Variants in SLC38A1 observed in about 807,000 individuals in gnomAD.
The protein encoded by SLC38A1 is solute carrier family 38 member 1.
SLC38A1 carries 18 observed loss-of-function variants against 60.3 expected under a neutral mutation model. The ratio of observed to expected loss-of-function variants is 0.30; its 90% CI spans 0.21 to 0.44. The LOEUF is 0.44. Among genes scored for constraint, SLC38A1 ranks in the 20% least tolerant of loss-of-function variants. SLC38A1 has a pLI of 1.00. For synonymous variants in SLC38A1, 196 were observed against 212.1 expected (o/e 0.92, Z 0.66); for missense variants, 448 against 587.2 (o/e 0.76, Z 2.45).
intron 1 of SLC38A1, among the ~76,000 whole-genome samples, chr12:46,263,980 C>A (rs751545852): frequency 1.3e-5 from 2 of 152,174 alleles, no homozygotes; most frequent in African/African-American, 4.8e-5. Flanking sequence ...AAATCTAAAC[C>A]AATGCATATC....
intron 4 of SLC38A1, 24 bp from the exon 5 acceptor site, chr12:46,229,292 C>T: frequency 6.7e-7 from 1 of 1,488,714 alleles, no homozygotes; most frequent in Non-Finnish European, 9.4e-7. Flanking sequence ...CAAACATTGA[C>T]ACTAAGCAAA....
At chr12:46,208,214 A>G (rs1405123157) in intron 6 of SLC38A1, among the ~76,000 whole-genome samples, 1 of 152,242 alleles carries the variant, frequency 6.6e-6, no homozygotes. Context: ...AATCTGTCAA[A>G]AGCATAATTT....
chr12:46,208,672 A>G (rs941919305), intron 6 of SLC38A1, among the ~76,000 whole-genome samples: 1 of 152,238 alleles, frequency 6.6e-6, no homozygotes, highest in African/African-American at 2.4e-5. Context: ...AATATGCACA[A>G]GAGAATGACA....
intron 1 of SLC38A1, among the ~76,000 whole-genome samples, chr12:46,262,161 C>T (rs1942217262): frequency 6.6e-6 from 1 of 152,206 alleles, no homozygotes; most frequent in Non-Finnish European, 1.5e-5. Context: ...CCAAAACCTG[C>T]TCTTAATCGT....
At chr12:46,209,243 C>T (rs1237133309) in intron 5 of SLC38A1, 116 bp from the exon 6 acceptor site, 1 of 639,696 alleles carries the variant, frequency 1.6e-6, no homozygotes, top group African/African-American at 1.9e-5. Flanking sequence ...TAATAGTATC[C>T]AAATTTTGGA....
chr12:46,226,660 T>A (rs1458618677), intron 5 of SLC38A1, among the ~76,000 whole-genome samples: 1 of 148,142 alleles, frequency 6.8e-6, no homozygotes, highest in Non-Finnish European at 1.5e-5. Context: ...AATCTTGCTC[T>A]GTCCCCCAGG....
intron 5 of SLC38A1, among the ~76,000 whole-genome samples, chr12:46,226,223 A>T (rs566966655): frequency 1.3e-5 from 2 of 152,280 alleles, no homozygotes; most frequent in East Asian, 3.9e-4. Flanking sequence ...TGACTAAAAC[A>T]ACCATCCATA....
Position 46,198,063 on chromosome 12 carries a change from G to T in SLC38A1, c.1123-3C>A, listed in dbSNP as rs903345071. 2.5e-6 allele frequency: 4 copies of T among 1,612,638 alleles called. No homozygotes were observed. The highest frequency in any genetic ancestry group is 8.5e-7 in the Non-Finnish European group (1 of 1,179,594). On this transcript the variant is annotated splice_region_variant and splice_polypyrimidine_tract_variant and intron_variant, in intron 14 of 16. Coordinates refer to ENST00000398637, the MANE Select transcript of SLC38A1 (RefSeq NM_030674.4). ...AGTTCAAATAAAGATGAACGAACCTGCAAGAAAAGAAAACAAAGATTCTGT... is the reference window on the plus strand; with the variant it reads ...AGTTCAAATAAAGATGAACGAACCTTCAAGAAAAGAAAACAAAGATTCTGT...
intron 14 of SLC38A1, 149 bp downstream of exon 14, chr12:46,198,476 C>T: frequency 1.7e-6 from 1 of 582,416 alleles, no homozygotes; most frequent in South Asian, 2.5e-5. Context: ...TTCAAAGAGC[C>T]TGAACCGAGT....
At chr12:46,229,742 C>G (rs1341571229) in intron 3 of SLC38A1, 103 bp from the exon 4 acceptor site, 10 of 999,166 alleles carry the variant, frequency 1.0e-5, no homozygotes, top group Non-Finnish European at 1.5e-5. Flanking sequence ...TGAACAGTTA[C>G]CAATCAGCTC....
At chr12:46,242,106 G>A (rs1941467608) in intron 2 of SLC38A1, among the ~76,000 whole-genome samples, 2 of 152,020 alleles carry the variant, frequency 1.3e-5, no homozygotes, top group Admixed American at 1.3e-4. Context: ...AAGAAACAGA[G>A]AAGAAGGCAA....
chr12:46,229,633 A>G lies in SLC38A1; in HGVS notation c.129T>C (p.Phe43=). 1.9e-6 allele frequency: 3 copies of G among 1,613,400 alleles called. No individual in the cohort carries two copies. Among genetic ancestry groups the G allele is most frequent in the Non-Finnish European group, 2.5e-6 (3 of 1,179,636 alleles). Reference sequence around the variant, plus strand: ...TTCTTCTACTTTCACGATCAGAAATAAACTTGCTGTAAAGACATGCGTAAT... The same window carrying G: ...TTCTTCTACTTTCACGATCAGAAATGAACTTGCTGTAAAGACATGCGTAAT... ...EVENGQINSK[F]ISDRESRRSL... Residue 43 remains phenylalanine, a synonymous_variant, in exon 4 of 17, where the codon TTT becomes TTC. Transcript: ENST00000398637.
At chr12:46,246,521 G>A (rs543203750) in intron 1 of SLC38A1, among the ~76,000 whole-genome samples, 1 of 152,354 alleles carries the variant, frequency 6.6e-6, no homozygotes, top group East Asian at 1.9e-4. Context: ...GAACTGGGTG[G>A]AGCCCACCAC....
At chr12:46,207,341 C>T (rs1939954817) in intron 7 of SLC38A1, 105 bp from the exon 8 acceptor site, 1 of 1,110,592 alleles carries the variant, frequency 9.0e-7, no homozygotes, top group Non-Finnish European at 1.3e-6. Context: ...CAGTAAGACA[C>T]AAAGGCAACT....
chr12:46,195,789 G>A (rs916335868), intron 16 of SLC38A1: 7 of 219,596 alleles, frequency 3.2e-5, no homozygotes, highest in African/African-American at 6.8e-5. Flanking sequence ...TGGTCTGCCA[G>A]TTGCTAAGAC....
intron 14 of SLC38A1, 40 bp from the exon 15 acceptor site, chr12:46,198,100 G>A (rs1393692426): frequency 1.2e-6 from 2 of 1,602,272 alleles, no homozygotes; most frequent in Non-Finnish European, 1.7e-6. Context: ...AGTGCCTACA[G>A]CATGCCAACA....
chr12:46,210,234 C>T (rs1228775259), intron 5 of SLC38A1, among the ~76,000 whole-genome samples: 4 of 152,204 alleles, frequency 2.6e-5, no homozygotes, highest in Non-Finnish European at 5.9e-5. Flanking sequence ...TGCTCCTCAG[C>T]TGTCTATGAT....
At chr12:46,256,178 A>G (rs2138842696) in intron 1 of SLC38A1, among the ~76,000 whole-genome samples, 2 of 151,840 alleles carry the variant, frequency 1.3e-5, no homozygotes, top group Admixed American at 1.3e-4. Flanking sequence ...AAAAAAAAAA[A>G]AAAAAAAAGT....
In SLC38A1 at chr12:46,239,733, T is replaced by C. The variant is rs768989145; in HGVS notation, c.68A>G (p.Asn23Ser). 2 of 1,613,648 alleles carry C rather than the reference T, an allele frequency of 1.2e-6. No individual in the cohort carries two copies. Among genetic ancestry groups the C allele is most frequent in the East Asian group, 4.5e-5 (2 of 44,882 alleles). The change falls in exon 3 of 17, where the codon AAC becomes AGC. Residue 23 changes from asparagine to serine, a missense_variant. Coordinates refer to ENST00000398637, the MANE Select transcript of SLC38A1 (RefSeq NM_030674.4). Reference protein sequence around the residue: ...LQNMTVPEDDNISNDSNDFTE... With the variant: ...LQNMTVPEDDSISNDSNDFTE... ...GAAATCATTGGAGTCATTGCTAATG[T>C]TATCATCCTCGGGCACTGTCATGTT...
Sources: gnomAD v4.1 joint callset for allele counts (sites outside exome capture counted in the v4.1 genomes callset) on GRCh38, gnomAD v4.1.1 for gene constraint, MANE v1.5 for transcripts, NCBI Gene and HGNC (gene_info 2026-07-23, HGNC 2026-07-21) for gene names.